NRXN1: variants seen among roughly 807,000 people sequenced by gnomAD.
NRXN1 encodes the protein neurexin-1.
Under a neutral mutation model 150.9 loss-of-function variants are expected in NRXN1, and 39 were observed. The observed-to-expected ratio is 0.26, with a 90% CI of 0.20 to 0.34. NRXN1 has a LOEUF of 0.34. Among genes scored for constraint, NRXN1 ranks in the 10% least tolerant of loss-of-function variants. The probability of loss-of-function intolerance (pLI) is 1.00; values close to 1 mark genes in which losing one functional copy is unlikely to be tolerated. For missense variants in NRXN1, 1,815 were observed against 1,949.9 expected (o/e 0.93, Z 1.30); for synonymous variants, 924 against 757.0 (o/e 1.22, Z -3.62).
rs1297809501 is a variant in NRXN1, at chr2:50,396,508, T to A, written c.3364+68934A>T. Among the ~76,000 whole-genome samples the A allele has an allele frequency of 3.3e-5, 5 of 152,140 alleles. No homozygotes were observed. In the East Asian group the frequency reaches 9.7e-4, roughly 29 times the overall value. On this transcript the variant is annotated intron_variant, in intron 17 of 22. Coordinates refer to ENST00000401669, the MANE Select transcript of NRXN1 (RefSeq NM_001330078.2). ...GCTTGAATTTTACTAGGTAGTGAAT[T>A]TTTTGTTATCAAGAGTTTGAGAGTT...
chr2:50,767,424 ATAT>A (rs1413036817), intron 5 of NRXN1, among the ~76,000 whole-genome samples: 8 of 152,114 alleles, frequency 5.3e-5, no homozygotes, highest in African/African-American at 1.7e-4. Flanking sequence ...ATTTTGTGTG[ATAT>A]TATATATATC....
chr2:50,792,689 A>C (rs765759433), intron 5 of NRXN1, among the ~76,000 whole-genome samples: 1 of 152,000 alleles, frequency 6.6e-6, no homozygotes, highest in Non-Finnish European at 1.5e-5. Flanking sequence ...TTTTTTTATC[A>C]CAAGAGAAGG....
At chr2:50,287,869 C>T (rs2072392525) in intron 17 of NRXN1, among the ~76,000 whole-genome samples, 1 of 151,910 alleles carries the variant, frequency 6.6e-6, no homozygotes, top group Non-Finnish European at 1.5e-5. Flanking sequence ...TCTTTAATAA[C>T]CTAGGAAGTT....
chr2:50,372,525 A>T (rs1242660312), intron 17 of NRXN1, among the ~76,000 whole-genome samples: 1 of 152,106 alleles, frequency 6.6e-6, no homozygotes, highest in Non-Finnish European at 1.5e-5. Flanking sequence ...ATTTAGATGA[A>T]TAATCCAGTA....
At chr2:50,872,535 G>T (rs1473659613) in intron 5 of NRXN1, among the ~76,000 whole-genome samples, 2 of 151,718 alleles carry the variant, frequency 1.3e-5, no homozygotes, top group Admixed American at 6.6e-5. Context: ...ACAAAGTAGA[G>T]GTTGACGGGG....
At chr2:50,141,457 C>G (rs1456865235) in intron 18 of NRXN1, among the ~76,000 whole-genome samples, 6 of 151,868 alleles carry the variant, frequency 4.0e-5, no homozygotes, top group African/African-American at 1.4e-4. Flanking sequence ...AAAGAGATAA[C>G]TGGGACTGTA....
intron 15 of NRXN1, among the ~76,000 whole-genome samples, chr2:50,481,939 T>C (rs892053713): frequency 2.1e-5 from 3 of 145,458 alleles, no homozygotes; most frequent in African/African-American, 8.3e-5. Context: ...CTAATTTTTT[T>C]TTGTATTTTT....
intron 18 of NRXN1, among the ~76,000 whole-genome samples, chr2:50,223,897 T>A (rs1429206041): frequency 6.6e-6 from 1 of 151,884 alleles, no homozygotes; most frequent in Non-Finnish European, 1.5e-5. Context: ...CAGAGCAATG[T>A]GGGTTACTTT....
intron 2 of NRXN1, among the ~76,000 whole-genome samples, chr2:51,022,992 T>C (rs1669869785): frequency 6.6e-6 from 1 of 152,128 alleles, no homozygotes; most frequent in Admixed American, 6.5e-5. Context: ...GGTAATGCTT[T>C]TCATAGGTAG....
intron 17 of NRXN1, among the ~76,000 whole-genome samples, chr2:50,253,762 C>T (rs187396984): frequency 1.5e-4 from 23 of 152,222 alleles, no homozygotes; most frequent in African/African-American, 4.3e-4. Flanking sequence ...GGGATAAAGC[C>T]GACTTGATCC....
At chr2:50,670,123 C>A (rs1688629295) in intron 5 of NRXN1, among the ~76,000 whole-genome samples, 1 of 151,584 alleles carries the variant, frequency 6.6e-6, no homozygotes, top group African/African-American at 2.4e-5. Flanking sequence ...AAATATGAAT[C>A]TTAAGAGCGT....
intron 2 of NRXN1, among the ~76,000 whole-genome samples, chr2:50,959,676 A>C (rs951135097): frequency 1.3e-5 from 2 of 152,058 alleles, no homozygotes; most frequent in Non-Finnish European, 2.9e-5. Flanking sequence ...TGACAGCTGC[A>C]CAATCTTCGG....
intron 5 of NRXN1, among the ~76,000 whole-genome samples, chr2:50,734,752 C>A (rs534182791): frequency 9.9e-5 from 15 of 151,786 alleles, no homozygotes; most frequent in Middle Eastern, 3.4e-3. Flanking sequence ...CATAACCCCC[C>A]CAAAACAACA....
At chr2:51,003,784 C>T (rs1700357272) in intron 2 of NRXN1, among the ~76,000 whole-genome samples, 1 of 151,920 alleles carries the variant, frequency 6.6e-6, no homozygotes, top group Non-Finnish European at 1.5e-5. Context: ...TGACTAATTG[C>T]ATTTTAAACT....
chr2:50,634,766 C>T, intron 5 of NRXN1, among the ~76,000 whole-genome samples: 1 of 152,062 alleles, frequency 6.6e-6, no homozygotes, highest in Non-Finnish European at 1.5e-5. Context: ...CTGGCCCTTC[C>T]AGTTTATTGG....
intron 18 of NRXN1, among the ~76,000 whole-genome samples, chr2:50,218,603 T>C (rs1481830942): frequency 6.6e-6 from 1 of 150,944 alleles, no homozygotes; most frequent in Non-Finnish European, 1.5e-5. Context: ...TGGAGAAAAA[T>C]AAGTTTGTTT....
chr2:50,041,714 G>A (rs556700989), intron 21 of NRXN1, among the ~76,000 whole-genome samples: 1 of 152,306 alleles, frequency 6.6e-6, no homozygotes, highest in South Asian at 2.1e-4. Context: ...TAACAAAGGT[G>A]ACTGAAAGTC....
intron 2 of NRXN1, among the ~76,000 whole-genome samples, chr2:51,012,489 C>T (rs1156851491): frequency 1.3e-5 from 2 of 152,036 alleles, no homozygotes; most frequent in African/African-American, 4.8e-5. Context: ...ACCAGTAGCA[C>T]ACATGTGTAC....
chr2:50,361,310 T>A (rs922966427), intron 17 of NRXN1, among the ~76,000 whole-genome samples: 3 of 151,866 alleles, frequency 2.0e-5, no homozygotes, highest in African/African-American at 7.2e-5. Flanking sequence ...CTTCAAAAAA[T>A]CAATGAAAAC....
Sources: allele counts gnomAD v4.1 joint callset (sites outside exome capture counted in the v4.1 genomes callset), GRCh38; gene constraint gnomAD v4.1.1; transcripts MANE v1.5; gene names NCBI Gene and HGNC (gene_info 2026-07-23, HGNC 2026-07-21).